CCDC191: variants seen among roughly 807,000 people sequenced by gnomAD.
CCDC191 encodes coiled-coil domain-containing protein 191.
In CCDC191, 99 loss-of-function variants were observed where a neutral mutation model predicts 114.0. The observed-to-expected ratio is 0.87, with a 90% CI of 0.74 to 1.03. CCDC191 has a LOEUF of 1.03. Among genes scored for constraint, CCDC191 ranks in the 50% least tolerant of loss-of-function variants. CCDC191 has a pLI of 0.00. For missense variants in CCDC191, 973 were observed against 1,087.0 expected (o/e 0.90, Z 1.47); for synonymous variants, 351 against 376.0 (o/e 0.93, Z 0.77).
At chr3:113,983,904 TAAG>T (rs2075263289) in intron 13 of CCDC191, 1 of 152,190 alleles carries the variant, frequency 6.6e-6, no homozygotes, top group Non-Finnish European at 1.5e-5. Flanking sequence ...AGGGGGGTGT[TAAG>T]AAGAGGTTAG....
At chr3:113,965,484 A>G (rs1240424113) in intron 16 of CCDC191, 125 bp from the exon 17 acceptor site, 5 of 523,704 alleles carry the variant, frequency 9.5e-6, no homozygotes, top group African/African-American at 5.8e-5. Context: ...AGGTGTGGAA[A>G]TCACAATCGG....
At chr3:114,053,278 A>G (rs888476406) in intron 2 of CCDC191, among the ~76,000 whole-genome samples, 1 of 152,142 alleles carries the variant, frequency 6.6e-6, no homozygotes, top group African/African-American at 2.4e-5. Context: ...AGTCTTTCCA[A>G]CATCTGAGGA....
In CCDC191 at chr3:113,965,077, G is replaced by A; in HGVS notation, c.*78C>T. ...TAGAGAATAAACCAGGTGTATGTAT[G>A]TATGTGTGTGGGTGGGTGGAGATAA... On this transcript the variant is annotated 3_prime_UTR_variant, in exon 17 of 17. Coordinates refer to ENST00000295878, the MANE Select transcript of CCDC191 (RefSeq NM_020817.2). 2.6e-6 allele frequency: 2 copies of A among 759,726 alleles called. No individual in the cohort carries two copies. Among genetic ancestry groups the A allele is most frequent in the Non-Finnish European group, 4.2e-6 (2 of 470,750 alleles). The allele number at this position is 759,726 out of a possible 1,614,324, so 47.1% of individuals were successfully genotyped here. A position where few individuals can be genotyped will look rare whatever the true frequency, so the allele number is the denominator to read the frequency against.
intron 16 of CCDC191, among the ~76,000 whole-genome samples, chr3:113,971,824 T>C (rs1940852830): frequency 6.6e-6 from 1 of 152,076 alleles, no homozygotes; most frequent in Non-Finnish European, 1.5e-5. Context: ...TTCTTTTAGG[T>C]GAGACTTTTT....
chr3:114,025,936 T>G (rs181582866), intron 7 of CCDC191, among the ~76,000 whole-genome samples: 255 of 152,314 alleles, frequency 1.7e-3, no homozygotes, highest in Non-Finnish European at 2.5e-3. Flanking sequence ...TGACGTGATG[T>G]CTTTCATTCC....
intron 4 of CCDC191, chr3:114,037,001 C>T (rs193224521): frequency 3.7e-6 from 1 of 268,014 alleles, no homozygotes; most frequent in Non-Finnish European, 6.8e-6. Flanking sequence ...ATTGCCCTCA[C>T]CCAAGTCACT....
At chr3:114,020,629 T>C (rs879648701) in intron 7 of CCDC191, among the ~76,000 whole-genome samples, 2 of 152,112 alleles carry the variant, frequency 1.3e-5, no homozygotes, top group African/African-American at 2.4e-5. Context: ...TTTTGCATCA[T>C]TTGTTTACCT....
intron 16 of CCDC191, among the ~76,000 whole-genome samples, chr3:113,969,382 G>C (rs1328539111): frequency 8.5e-5 from 13 of 152,160 alleles, no homozygotes; most frequent in Admixed American, 5.2e-4. Context: ...TTTTGCTTTG[G>C]TTGTCTGTGC....
chr3:113,971,980 T>C lies in CCDC191; in HGVS notation c.2606+6206A>G, dbSNP rs143714959. On this transcript the variant is annotated intron_variant, in intron 16 of 16. Coordinates refer to ENST00000295878, the MANE Select transcript of CCDC191 (RefSeq NM_020817.2). ...TTTATTGATATATAGGTGTTCATAA[T>C]AGTCTCTAGTGATTCTTTGTATTTT... Among the ~76,000 whole-genome samples, 669 of 152,296 alleles carry C rather than the reference T, an allele frequency of 4.4e-3. 7 individuals are homozygous for C. The highest frequency in any genetic ancestry group is 0.015 in the African/African-American group (619 of 41,588).
intron 14 of CCDC191, among the ~76,000 whole-genome samples, chr3:113,980,241 C>A (rs1162109611): frequency 6.6e-6 from 1 of 152,232 alleles, no homozygotes; most frequent in Non-Finnish European, 1.5e-5. Flanking sequence ...CAATCCACAA[C>A]TGGCCCACAG....
At chr3:114,017,753 A>T (rs2076183412) in intron 8 of CCDC191, among the ~76,000 whole-genome samples, 1 of 152,136 alleles carries the variant, frequency 6.6e-6, no homozygotes. Context: ...GGATGAGGGG[A>T]GGAAACTTAG....
At chr3:114,047,578 C>A (rs562208111) in intron 2 of CCDC191, among the ~76,000 whole-genome samples, 14 of 151,778 alleles carry the variant, frequency 9.2e-5, no homozygotes, top group African/African-American at 3.4e-4. Flanking sequence ...CAGGAGGAAT[C>A]GCTTGAGCCC....
At position 114,009,806 on chromosome 3, in the gene CCDC191, T is replaced by C. The variant is rs114381750; in HGVS notation, c.1413+966A>G. On this transcript the variant is annotated intron_variant, in intron 9 of 16. Transcript: ENST00000295878. ...AGCTACTAGGATGTTCACTGAAGCA[T>C]TGTTCACAATGGCGGCAAACTGGAA... Among the ~76,000 whole-genome samples, 49 of 152,318 alleles carry C rather than the reference T, an allele frequency of 3.2e-4. 1 individual carries two copies. The highest frequency in any genetic ancestry group is 1.2e-3 in the African/African-American group (49 of 41,586).
At chr3:114,036,990 A>G (rs949024051) in intron 4 of CCDC191, 22 of 281,894 alleles carry the variant, frequency 7.8e-5, no homozygotes, top group African/African-American at 4.8e-4. Flanking sequence ...ACTTACCAAG[A>G]ATTGCCCTCA....
chr3:114,033,895 G>T (rs548996345), intron 6 of CCDC191, among the ~76,000 whole-genome samples: 1 of 152,086 alleles, frequency 6.6e-6, no homozygotes, highest in Non-Finnish European at 1.5e-5. Flanking sequence ...AGCACAGGGG[G>T]GAAAGCTGTG....
chr3:113,967,351 T>C (rs1315188296), intron 16 of CCDC191, among the ~76,000 whole-genome samples: 1 of 150,292 alleles, frequency 6.7e-6, no homozygotes, highest in East Asian at 1.9e-4. Flanking sequence ...TTGGGTGAAA[T>C]CTTCCTAGAT....
chr3:113,987,035 C>T (rs923140030), intron 13 of CCDC191, among the ~76,000 whole-genome samples: 1 of 151,382 alleles, frequency 6.6e-6, no homozygotes, highest in East Asian at 1.9e-4. Flanking sequence ...AATAAGACAC[C>T]CACAAAGAAA....
intron 11 of CCDC191, 71 bp downstream of exon 11, chr3:114,004,566 G>T: frequency 6.4e-7 from 1 of 1,556,486 alleles, no homozygotes. Flanking sequence ...CCAGAATTCA[G>T]TCCCAGTGTA....
At chr3:114,043,951 C>T (rs901533933) in intron 3 of CCDC191, among the ~76,000 whole-genome samples, 21 of 151,880 alleles carry the variant, frequency 1.4e-4, no homozygotes, top group Non-Finnish European at 2.4e-4. Context: ...TTTACTGAGA[C>T]GGGGAAGGCC....
Sources: allele counts gnomAD v4.1 joint callset (sites outside exome capture counted in the v4.1 genomes callset), GRCh38; gene constraint gnomAD v4.1.1; transcripts MANE v1.5; gene names NCBI Gene and HGNC (gene_info 2026-07-23, HGNC 2026-07-21).